Variants in DNAAF8 observed in about 807,000 individuals in gnomAD.
DNAAF8 encodes the protein dynein axonemal assembly factor 8.
Under a neutral mutation model 54.6 loss-of-function variants are expected in DNAAF8, and 61 were observed. The ratio of observed to expected loss-of-function variants is 1.12; its 90% confidence interval spans 0.91 to 1.38. The LOEUF (loss-of-function observed/expected upper bound fraction) is 1.38, where lower values mean the gene tolerates loss of function less well. DNAAF8 is among the 40% of genes most tolerant of loss of function. DNAAF8 has a pLI of 0.00. For synonymous variants in DNAAF8, 320 were observed against 270.1 expected, an observed-to-expected ratio of 1.18 and a Z score of -1.81; for missense variants, 837 against 665.0, an observed-to-expected ratio of 1.26 and a Z score of -2.85.
At chr16:4,737,720 G>A (rs1182223075) in intron 2 of DNAAF8, 80 bp from the exon 3 acceptor site, 14 of 1,519,182 alleles carry the variant, frequency 9.2e-6, no homozygotes, top group African/African-American at 2.7e-5. Flanking sequence ...TGAGAGTGGA[G>A]AGTGGAGAGC....
chr16:4,747,260 C>G (rs187996858), intron 8 of DNAAF8, 83 bp from the exon 9 acceptor site: 1 of 1,460,482 alleles, frequency 6.8e-7, no homozygotes, highest in Admixed American at 2.3e-5. Context: ...CTGGGCTCAT[C>G]TGCTTTTCTC....
chr16:4,736,080 TGAAGA>T (rs1274844163), intron 1 of DNAAF8, among the ~76,000 whole-genome samples: 2 of 152,074 alleles, frequency 1.3e-5, no homozygotes, highest in Non-Finnish European at 2.9e-5. Context: ...GCCTATGAAA[TGAAGA>T]GAATAGTTAT....
In DNAAF8 at chr16:4,743,175, A is replaced by C. The variant is rs779958102; in HGVS notation, c.901+15A>C. 1 of 1,526,908 alleles carries C rather than the reference A, an allele frequency of 6.5e-7. No homozygotes were observed. Among genetic ancestry groups the C allele is most frequent in the South Asian group, 1.2e-5 (1 of 86,068 alleles). 94.6% of individuals were successfully genotyped at this position (1,526,908 alleles called of 1,614,324 possible). On this transcript the variant is annotated intron_variant, in intron 5 of 9. Transcript: ENST00000299320. ...CCAAGTTCAAGGTCTGACCTTGAAC[A>C]CTGGAGCCCACGTGAATCCCCACAA...
chr16:4,736,363 G>C (rs996183132), intron 1 of DNAAF8, 101 bp from the exon 2 acceptor site: 1 of 844,134 alleles, frequency 1.2e-6, no homozygotes, highest in Admixed American at 4.1e-5. Context: ...AGGTGGTGAG[G>C]CCTGCCAGCC....
chr16:4,745,440 G>C (rs898724574), intron 6 of DNAAF8, among the ~76,000 whole-genome samples: 4 of 152,178 alleles, frequency 2.6e-5, no homozygotes, highest in East Asian at 1.9e-4. Context: ...AAGGGCAACA[G>C]CCACCTGTCC....
Position 4,748,948 on chromosome 16 carries a change from G to A in DNAAF8, c.*233G>A, listed in dbSNP as rs993678065. 3.3e-5 allele frequency: 5 copies of A among 152,296 alleles called. No homozygotes were observed. Among genetic ancestry groups the A allele is most frequent in the Non-Finnish European group, 7.3e-5 (5 of 68,080 alleles). 9.4% of individuals were successfully genotyped at this position (152,296 alleles called of 1,614,324 possible). A position where few individuals can be genotyped will look rare whatever the true frequency, so the allele number is the denominator to read the frequency against. On this transcript the variant is annotated 3_prime_UTR_variant, in exon 10 of 10. Transcript: ENST00000299320. ...AAAAGACAGGCCCTGCTTGGCCGTG[G>A]TCACTGGCCGCCAAGATCAGGGCTA...
At position 4,739,166 on chromosome 16, in the gene DNAAF8, T is replaced by G. The variant is rs181098743; in HGVS notation, c.277-987T>G. Among the ~76,000 whole-genome samples, 39 of 151,666 alleles carry G rather than the reference T, an allele frequency of 2.6e-4. No individual in the cohort carries two copies. The East Asian group carries it at 7.3e-3, about 29-fold the overall frequency. ...AGAGATCCCCAGGGCAGCTAAGAAC[T>G]CTGGTGGGTTCAGGTGGAACAATTT... is the stretch of plus-strand genomic sequence containing the variant. On this transcript the variant is annotated intron_variant, in intron 3 of 9. Transcript: ENST00000299320.
chr16:4,746,416 CGCAGCTGGCCCAGGGCATGAGGCTT>C lies in DNAAF8; in HGVS notation c.1086_1110del (p.Gln363ThrfsTer109). 6.2e-7 allele frequency: 1 copy of C among 1,613,370 alleles called. No individual in the cohort carries two copies. The highest frequency in any genetic ancestry group is 1.3e-5 in the African/African-American group (1 of 75,022). On this transcript the variant is annotated frameshift_variant, in exon 7 of 10. Coordinates refer to ENST00000299320, the MANE Select transcript of DNAAF8 (RefSeq NM_139170.3). LOFTEE classifies it high-confidence loss of function. The stretch of plus-strand genomic sequence containing the variant: ...CAGGGCTCCCAGGCTGGGCCAGGCC[CGCAGCTGGCCCAGGGCATGAGGCTT>C]AACGCAGAGTCCCCCACCATCTTTA...
Position 4,738,054 on chromosome 16 carries a change from CTT to C in DNAAF8, c.276+117_276+118del. On this transcript the variant is annotated intron_variant, in intron 3 of 9. Transcript: ENST00000299320. ...TTCCACGATATGCTAGAACATGGTC[CTT>C]TTTTTTTTCCCCCATGTACAACCCA... is the stretch of plus-strand genomic sequence containing the variant. 1.8e-5 allele frequency: 22 copies of C among 1,197,474 alleles called. No individual in the cohort carries two copies. In the Middle Eastern group the frequency reaches 7.3e-4, roughly 40 times the overall value. The allele number at this position is 1,197,474 out of a possible 1,614,324, so 74.2% of individuals were successfully genotyped here.
chr16:4,748,338 C>T (rs910716270), intron 9 of DNAAF8: 1 of 151,478 alleles, frequency 6.6e-6, no homozygotes, highest in African/African-American at 2.4e-5. Flanking sequence ...GCACTGTGAG[C>T]TGCCAGCCTG....
Position 4,740,288 on chromosome 16 carries a change from G to T in DNAAF8, c.412G>T (p.Gly138Trp), listed in dbSNP as rs376028854. 4 of 1,613,856 alleles carry T rather than the reference G, an allele frequency of 2.5e-6. No homozygotes were observed. In the African/African-American group the frequency reaches 5.3e-5, roughly 22 times the overall value. Reference protein sequence around the residue: ...ESSGEVSALLGMAEEPPRWLE... With the variant: ...ESSGEVSALLWMAEEPPRWLE... ...CTCTGGTGAGGTCAGCGCTCTTCTT[G>T]GGATGGCCGAGGAGCCCCCCAGGTG... Residue 138 changes from glycine to tryptophan, a missense_variant, in exon 4 of 10, where the codon GGG becomes TGG. Gly to Trp is a radical substitution (Grantham distance 184). Transcript: ENST00000299320.
At chr16:4,743,897 G>A (rs989773403) in intron 5 of DNAAF8, 5 of 150,830 alleles carry the variant, frequency 3.3e-5, no homozygotes, top group Admixed American at 6.6e-5. Flanking sequence ...CTCCCTTTGT[G>A]GAGGGGAGTA....
At position 4,747,507 on chromosome 16, in the gene DNAAF8, G is replaced by A. The variant is rs1384891986; in HGVS notation, c.1445G>A (p.Cys482Tyr). 3.2e-5 allele frequency: 52 copies of A among 1,613,156 alleles called. No homozygotes were observed. The highest frequency in any genetic ancestry group is 3.6e-5 in the Non-Finnish European group (43 of 1,179,980). Reference sequence around the variant, plus strand: ...GGGAGGAAGCAACACATGAAGCTCTGTGCCAAGGGGCAGAGCGCCCAGGCT... The same window carrying A: ...GGGAGGAAGCAACACATGAAGCTCTATGCCAAGGGGCAGAGCGCCCAGGCT... ...RTGRKQHMKL[C>Y]AKGQSAQARL... is the part of the protein sequence containing the mutation. Residue 482 changes from cysteine (C) to tyrosine (Y), a missense_variant, in exon 9 of 10, where the codon TGT becomes TAT. Transcript: ENST00000299320.
At chr16:4,736,683 A>T in intron 2 of DNAAF8, 40 bp downstream of exon 2, 1 of 1,508,912 alleles carries the variant, frequency 6.6e-7, no homozygotes, top group Admixed American at 1.8e-5. Context: ...TGTCCTTCCT[A>T]CCAGAGCAGG....
Position 4,734,571 on chromosome 16 carries a change from G to A in DNAAF8, c.-179G>A, listed in dbSNP as rs1237110173. The A allele has an allele frequency of 6.6e-6, 1 of 152,346 alleles. No homozygotes were observed. Among genetic ancestry groups the A allele is most frequent in the East Asian group, 1.9e-4 (1 of 5,192 alleles). 9.4% of individuals were successfully genotyped at this position (152,346 alleles called of 1,614,324 possible). On this transcript the variant is annotated 5_prime_UTR_variant, in exon 1 of 10. In the 5' UTR this introduces an upstream ATG that the reference lacks. Transcript: ENST00000299320. ...ATGTAAAGCTCCGCTGAGAGGGAGAGTGCTGAAGAAGGGGACAGCCTCTGT... is the reference window on the plus strand; with the variant it reads ...ATGTAAAGCTCCGCTGAGAGGGAGAATGCTGAAGAAGGGGACAGCCTCTGT...
At chr16:4,739,471 C>G (rs938358219) in intron 3 of DNAAF8, among the ~76,000 whole-genome samples, 2 of 150,804 alleles carry the variant, frequency 1.3e-5, no homozygotes, top group African/African-American at 4.9e-5. Context: ...GCATTCCACT[C>G]TAGCCTTGTA....
chr16:4,737,025 C>G (rs2081908239), intron 2 of DNAAF8, among the ~76,000 whole-genome samples: 1 of 152,112 alleles, frequency 6.6e-6, no homozygotes, highest in African/African-American at 2.4e-5. Context: ...TGAGAATGCA[C>G]AATTCCAGTG....
intron 1 of DNAAF8, among the ~76,000 whole-genome samples, chr16:4,735,454 G>A (rs1282766885): frequency 6.6e-6 from 1 of 151,996 alleles, no homozygotes; most frequent in Non-Finnish European, 1.5e-5. Flanking sequence ...GGGGATGAAC[G>A]GGCACTGACT....
intron 8 of DNAAF8, 77 bp downstream of exon 8, chr16:4,747,102 T>C: frequency 7.2e-7 from 1 of 1,389,068 alleles, no homozygotes; most frequent in Non-Finnish European, 9.7e-7. Flanking sequence ...ACCTGGCACA[T>C]TTACCGCCTG....
Sources: allele counts gnomAD v4.1 joint callset (sites outside exome capture counted in the v4.1 genomes callset), GRCh38; gene constraint gnomAD v4.1.1; transcripts MANE v1.5; gene names NCBI Gene and HGNC (gene_info 2026-07-23, HGNC 2026-07-21).